The following PCDHGC4 variants were observed in gnomAD, a reference collection of about 807,000 sequenced individuals.
The protein encoded by PCDHGC4 is protocadherin gamma-C4.
PCDHGC4 carries 15 observed loss-of-function variants against 59.7 expected under a neutral mutation model. That is an observed-to-expected ratio of 0.25 (90% CI 0.17 to 0.39). The LOEUF is 0.39. Among genes scored for constraint, PCDHGC4 ranks in the 10% least tolerant of loss-of-function variants. The pLI is 1.00. For synonymous variants in PCDHGC4, 434 were observed against 481.4 expected (o/e 0.90, Z 1.29); for missense variants, 1,016 against 1,189.5 (o/e 0.85, Z 2.15).
chr5:141,507,344 AT>A (rs1345461058), intron 3 of PCDHGC4: 5 of 152,206 alleles, frequency 3.3e-5, no homozygotes, highest in Non-Finnish European at 5.9e-5. Context: ...TTTACCTGAA[AT>A]TCAAATTTAA....
chr5:141,491,662 A>C lies in PCDHGC4; in HGVS notation c.2443-3145A>C. 2 of 1,613,770 alleles carry C rather than the reference A, an allele frequency of 1.2e-6. No homozygotes were observed. The highest frequency in any genetic ancestry group is 1.7e-6 in the Non-Finnish European group (2 of 1,180,018). ...AGCTCTGGCGCTGGAGCCTGACGCC[A>C]TCCGGTCCCGCTCTAATACGCTGCG... On this transcript the variant is annotated intron_variant, in intron 1 of 3. Coordinates refer to ENST00000306593, the MANE Select transcript of PCDHGC4 (RefSeq NM_018928.3). This position sits in a 1 kb window ranked among gnomAD's most constrained non-coding sequence, Gnocchi z 6.9.
chr5:141,500,520 T>A (rs2099801106), intron 2 of PCDHGC4, among the ~76,000 whole-genome samples: 1 of 152,194 alleles, frequency 6.6e-6, no homozygotes, highest in South Asian at 2.1e-4. Context: ...AGCTTCATTT[T>A]AAAAAAATCT....
Position 141,490,446 on chromosome 5 carries a change from C to T in PCDHGC4, c.2442+2831C>T, listed in dbSNP as rs779502898. 2.5e-6 allele frequency: 4 copies of T among 1,614,196 alleles called. No homozygotes were observed. The highest frequency in any genetic ancestry group is 3.4e-6 in the Non-Finnish European group (4 of 1,180,016). ...CATTTCAGATTAAGCCTTCTGAGAA[C>T]CACTACTCGCTGCTAACCAGCCAGC... On this transcript the variant is annotated intron_variant, in intron 1 of 3. Coordinates refer to ENST00000306593, the MANE Select transcript of PCDHGC4 (RefSeq NM_018928.3). The surrounding 1 kb of genome is among the most constrained non-coding windows in gnomAD (Gnocchi z 5.4).
At chr5:141,496,892 A>AG (rs1372616572) in intron 2 of PCDHGC4, among the ~76,000 whole-genome samples, 1 of 151,766 alleles carries the variant, frequency 6.6e-6, no homozygotes, top group Non-Finnish European at 1.5e-5. Flanking sequence ...AACACTTAAA[A>AG]AAAAAAAAAA....
chr5:141,509,144 G>C (rs969990007), intron 3 of PCDHGC4, among the ~76,000 whole-genome samples: 14 of 152,114 alleles, frequency 9.2e-5, no homozygotes, highest in Admixed American at 2.0e-4. Context: ...GGCGCATCCC[G>C]GCTCTCCCCT....
chr5:141,494,923 G>A lies in PCDHGC4; in HGVS notation c.2501+58G>A, dbSNP rs572227346. Reference sequence around the variant, plus strand: ...TCTGCGGCATTTTCTCAGGGATGACGTGGGAGGAGATGGGGGAGGGCCCAG... The same window carrying A: ...TCTGCGGCATTTTCTCAGGGATGACATGGGAGGAGATGGGGGAGGGCCCAG... On this transcript the variant is annotated intron_variant, in intron 2 of 3. Coordinates refer to ENST00000306593, the MANE Select transcript of PCDHGC4 (RefSeq NM_018928.3). The A allele has an allele frequency of 8.9e-5, 143 of 1,613,698 alleles. 1 individual carries two copies. In the Middle Eastern group the frequency reaches 1.8e-3, roughly 20 times the overall value.
rs2099624335 is a variant in PCDHGC4 at position 141,486,093 on chromosome 5, C to T, written c.920C>T (p.Pro307Leu). Residue 307 changes from proline (P) to leucine (L), a missense_variant, in exon 1 of 4, where the codon CCC becomes CTC. Pro to Leu is a moderately conservative substitution (Grantham distance 98). Coordinates refer to ENST00000306593, the MANE Select transcript of PCDHGC4 (RefSeq NM_018928.3). This position sits in a 1 kb window ranked among gnomAD's most constrained non-coding sequence, Gnocchi z 5.0. ...ACTGGAAAGCTTACTCTTTTGGGGC[C>T]CCTAGACTTTGAGAGTGAGAATTAC... ...PTTGKLTLLG[P>L]LDFESENYYE... 1 of 1,614,112 alleles carries T rather than the reference C, an allele frequency of 6.2e-7. No homozygotes were observed. The highest frequency in any genetic ancestry group is 8.5e-7 in the Non-Finnish European group (1 of 1,180,008).
rs1299573831 is a variant in PCDHGC4 at position 141,500,662 on chromosome 5, T to A, written c.2502-4731T>A. 5.3e-5 allele frequency among the ~76,000 whole-genome samples: 8 copies of A among 152,352 alleles called. No homozygotes were observed. The East Asian group carries it at 1.5e-3, about 29-fold the overall frequency. ...TTTTTAAAAATAGCAACTGAGGCCA[T>A]ACTGTCCAACAGAATTATAGCTTTT... On this transcript the variant is annotated intron_variant, in intron 2 of 3. Coordinates refer to ENST00000306593, the MANE Select transcript of PCDHGC4 (RefSeq NM_018928.3).
chr5:141,486,608 G>A lies in PCDHGC4; in HGVS notation c.1435G>A (p.Ala479Thr). The change falls in exon 1 of 4, where the codon GCC (alanine) becomes ACC (threonine). Residue 479 changes from alanine to threonine, a missense_variant. Transcript: ENST00000306593. The surrounding 1 kb of genome is among the most constrained non-coding windows in gnomAD (Gnocchi z 5.0). ...AGGGGACCTGCTTTGCTCCCTTGCAGCCTCTGACCCAGACTCTGGCTTGAA... is the reference window on the plus strand; with the variant it reads ...AGGGGACCTGCTTTGCTCCCTTGCAACCTCTGACCCAGACTCTGGCTTGAA... ...RPGDLLCSLAASDPDSGLNAL... is the reference protein window; with the variant it reads ...RPGDLLCSLATSDPDSGLNAL... 3 of 1,613,546 alleles carry A rather than the reference G, an allele frequency of 1.9e-6. No homozygotes were observed. The highest frequency in any genetic ancestry group is 2.5e-6 in the Non-Finnish European group (3 of 1,180,024).
chr5:141,492,829 C>T (rs2099744241), intron 1 of PCDHGC4, among the ~76,000 whole-genome samples: 1 of 152,232 alleles, frequency 6.6e-6, no homozygotes, highest in Non-Finnish European at 1.5e-5. Context: ...CGGCCCCTTC[C>T]TCCCGCAGGA....
Position 141,511,165 on chromosome 5 carries a change from A to G in PCDHGC4, c.2809A>G (p.Lys937Glu). 1 of 1,614,096 alleles carries G rather than the reference A, an allele frequency of 6.2e-7. No homozygotes were observed. Among genetic ancestry groups the G allele is most frequent in the East Asian group, 2.2e-5 (1 of 44,870 alleles). ...CAAGAAGAAGTCGGGCAAGAAGGAGAAGAAGTAACATGGAGGCCAGGCCAA... is the reference window on the plus strand; with the variant it reads ...CAAGAAGAAGTCGGGCAAGAAGGAGGAGAAGTAACATGGAGGCCAGGCCAA... ...GNKKKSGKKE[K>E]K Residue 937 changes from lysine (K) to glutamate (E), a missense_variant, in exon 4 of 4, where the codon AAG (lysine) becomes GAG (glutamate). Physicochemically the swap from Lys to Glu is moderately conservative, Grantham distance 56. Transcript: ENST00000306593.
Position 141,494,830 on chromosome 5 carries a change from G to C in PCDHGC4, c.2466G>C (p.Trp822Cys), listed in dbSNP as rs2099757104. Residue 822 changes from tryptophan (W) to cysteine (C), a missense_variant, in exon 2 of 4, where the codon TGG (tryptophan) becomes TGC (cysteine). Coordinates refer to ENST00000306593, the MANE Select transcript of PCDHGC4 (RefSeq NM_018928.3). ...AGCAAGCCCCGCCCAACACGGACTG[G>C]CGTTTCTCTCAGGCCCAGAGACCCG... The part of the protein sequence containing the change: ...GLEQAPPNTD[W>C]RFSQAQRPGT... 6.2e-7 allele frequency: 1 copy of C among 1,614,098 alleles called. No homozygotes were observed. The highest frequency in any genetic ancestry group is 2.2e-5 in the East Asian group (1 of 44,862).
At position 141,486,622 on chromosome 5, in the gene PCDHGC4, C is replaced by T. The variant is rs1320329216; in HGVS notation, c.1449C>T (p.Asp483=). Residue 483 remains aspartate (D), a synonymous_variant, in exon 1 of 4, where the codon GAC becomes GAT. Coordinates refer to ENST00000306593, the MANE Select transcript of PCDHGC4 (RefSeq NM_018928.3). The surrounding 1 kb of genome is among the most constrained non-coding windows in gnomAD (Gnocchi z 5.0). The part of the protein sequence containing the change: ...LLCSLAASDP[D]SGLNALISYS... ...GCTCCCTTGCAGCCTCTGACCCAGACTCTGGCTTGAATGCGCTTATCTCCT... is the reference window on the plus strand; with the variant it reads ...GCTCCCTTGCAGCCTCTGACCCAGATTCTGGCTTGAATGCGCTTATCTCCT... 6.2e-7 allele frequency: 1 copy of T among 1,613,574 alleles called. No individual in the cohort carries two copies. The highest frequency in any genetic ancestry group is 8.5e-7 in the Non-Finnish European group (1 of 1,180,042).
chr5:141,505,324 G>A, intron 2 of PCDHGC4, 69 bp from the exon 3 acceptor site: 2 of 1,607,104 alleles, frequency 1.2e-6, no homozygotes, highest in African/African-American at 1.3e-5. Context: ...GGAGCCCTGG[G>A]AGAGGACAGG....
rs113648128 is a variant in PCDHGC4, at chr5:141,491,811, C to T, written c.2443-2996C>T. ...CACTCCTCTCCGGCCGGCTTGGTCG[C>T]TGGCTGCGCTCCACCCGATTCTCGG... On this transcript the variant is annotated intron_variant, in intron 1 of 3. Transcript: ENST00000306593. The surrounding 1 kb of genome is among the most constrained non-coding windows in gnomAD (Gnocchi z 6.9). 6.7e-7 allele frequency: 1 copy of T among 1,487,262 alleles called. No homozygotes were observed. The highest frequency in any genetic ancestry group is 1.4e-5 in the African/African-American group (1 of 70,544). 92.1% of individuals were successfully genotyped at this position (1,487,262 alleles called of 1,614,324 possible).
Position 141,490,536 on chromosome 5 carries a change from T to C in PCDHGC4, c.2442+2921T>C. ...TGCTGGCCAGCGATGCTGGTTCACCTTCCCTACACAAACATCTCACCATCA... is the reference window on the plus strand; with the variant it reads ...TGCTGGCCAGCGATGCTGGTTCACCCTCCCTACACAAACATCTCACCATCA... On this transcript the variant is annotated intron_variant, in intron 1 of 3. Transcript: ENST00000306593. The surrounding 1 kb of genome is among the most constrained non-coding windows in gnomAD (Gnocchi z 5.4). The C allele has an allele frequency of 1.9e-6, 3 of 1,614,150 alleles. No individual in the cohort carries two copies. The highest frequency in any genetic ancestry group is 2.5e-6 in the Non-Finnish European group (3 of 1,180,010).
intron 3 of PCDHGC4, 124 bp from the exon 4 acceptor site, chr5:141,510,823 C>A: frequency 6.4e-7 from 1 of 1,562,432 alleles, no homozygotes. Context: ...CCTATATTCC[C>A]AGTGCTCAGC....
intron 2 of PCDHGC4, among the ~76,000 whole-genome samples, chr5:141,502,239 A>G (rs2099813426): frequency 6.6e-6 from 1 of 152,148 alleles, no homozygotes; most frequent in Admixed American, 6.5e-5. Flanking sequence ...GTGTTCTTTT[A>G]TCCTTTTTTT....
At chr5:141,506,188 C>T (rs925159785) in intron 3 of PCDHGC4, among the ~76,000 whole-genome samples, 2 of 152,058 alleles carry the variant, frequency 1.3e-5, no homozygotes, top group African/African-American at 4.8e-5. Flanking sequence ...TGGTGGCTCA[C>T]GCCTGTAATC....
Sources: allele counts gnomAD v4.1 joint callset (sites outside exome capture counted in the v4.1 genomes callset), GRCh38; gene constraint gnomAD v4.1.1; non-coding constraint Gnocchi (gnomAD v3.1); transcripts MANE v1.5; gene names NCBI Gene and HGNC (gene_info 2026-07-23, HGNC 2026-07-21).